Variants in COBL observed in about 807,000 individuals in gnomAD.
The protein encoded by COBL is cordon-bleu WH2 repeat protein.
Under a neutral mutation model 98.8 loss-of-function variants are expected in COBL, and 51 were observed. The observed-to-expected ratio is 0.52, with a 90% confidence interval of 0.41 to 0.65. The LOEUF is 0.65. Among genes scored for constraint, COBL ranks in the 30% least tolerant of loss-of-function variants. COBL has a pLI of 0.00. For synonymous variants in COBL, 634 were observed against 651.7 expected, an observed-to-expected ratio of 0.97 and a Z score of 0.41; for missense variants, 1,617 against 1,617.5, an observed-to-expected ratio of 1.00 and a Z score of 0.01.
chr7:51,168,379 T>A (rs1032637434), intron 5 of COBL, among the ~76,000 whole-genome samples: 1 of 151,386 alleles, frequency 6.6e-6, no homozygotes, highest in Non-Finnish European at 1.5e-5. Context: ...GAGGCTGCAG[T>A]GAGCCGAGAT....
At chr7:51,187,077 T>C (rs189300582) in intron 4 of COBL, among the ~76,000 whole-genome samples, 68 of 152,240 alleles carry the variant, frequency 4.5e-4, no homozygotes, top group African/African-American at 1.6e-3. Flanking sequence ...AAAGTTTTAC[T>C]TTCTGAAGCA....
intron 1 of COBL, among the ~76,000 whole-genome samples, chr7:51,287,460 G>A (rs192634429): frequency 5.3e-5 from 8 of 152,158 alleles, no homozygotes; most frequent in African/African-American, 1.9e-4. Context: ...TAGCTAAAAT[G>A]AAACAATCTT....
chr7:51,114,178 G>C (rs1797077152), intron 6 of COBL, among the ~76,000 whole-genome samples: 1 of 152,090 alleles, frequency 6.6e-6, no homozygotes, highest in Non-Finnish European at 1.5e-5. Context: ...CTGGAAGCTG[G>C]GGCGGCCCCT....
At chr7:51,101,432 A>G (rs999053140) in intron 6 of COBL, among the ~76,000 whole-genome samples, 7 of 152,250 alleles carry the variant, frequency 4.6e-5, no homozygotes, top group African/African-American at 1.7e-4. Flanking sequence ...ATTTTTATAA[A>G]GGAAGAAACT....
At chr7:51,115,339 T>G (rs549621622) in intron 6 of COBL, among the ~76,000 whole-genome samples, 5 of 152,234 alleles carry the variant, frequency 3.3e-5, no homozygotes, top group Admixed American at 2.6e-4. Context: ...CTACTTTTTT[T>G]TAGCATCTTA....
intron 1 of COBL, among the ~76,000 whole-genome samples, chr7:51,266,224 T>C (rs907110442): frequency 1.3e-5 from 2 of 152,222 alleles, no homozygotes; most frequent in African/African-American, 4.8e-5. Flanking sequence ...GAAAACTAAT[T>C]GTATTATAGG....
At position 51,016,628 on chromosome 7, in the gene COBL, C is replaced by G. The variant is rs1396617428; in HGVS notation, c.*923G>C. On this transcript the variant is annotated 3_prime_UTR_variant, in exon 13 of 13. Coordinates refer to ENST00000265136, the MANE Select transcript of COBL (RefSeq NM_015198.5). ...AAGGCTGAACCAAAATTGTGATGCT[C>G]TCAGCGCAACTTTGATCTGAACTCT... is the stretch of plus-strand genomic sequence containing the variant. 3.7e-6 allele frequency: 1 copy of G among 268,232 alleles called. No individual in the cohort carries two copies. Among genetic ancestry groups the G allele is most frequent in the Admixed American group, 5.3e-5 (1 of 18,710 alleles). The allele number at this position is 268,232 out of a possible 1,614,324, so 16.6% of individuals were successfully genotyped here. A position where few individuals can be genotyped will look rare whatever the true frequency, so the allele number is the denominator to read the frequency against.
intron 7 of COBL, among the ~76,000 whole-genome samples, chr7:51,079,087 A>G (rs1025701419): frequency 1.2e-4 from 19 of 152,202 alleles, no homozygotes; most frequent in Admixed American, 4.6e-4. Flanking sequence ...AGAGGCTACA[A>G]GAGGCTAGGG....
At chr7:51,198,622 T>A (rs1335136549) in intron 2 of COBL, among the ~76,000 whole-genome samples, 2 of 152,194 alleles carry the variant, frequency 1.3e-5, no homozygotes, top group South Asian at 4.1e-4. Context: ...TGGGCACAGG[T>A]TTTTTTCCTC....
chr7:51,246,315 G>T (rs1796265731), intron 1 of COBL, among the ~76,000 whole-genome samples: 1 of 152,168 alleles, frequency 6.6e-6, no homozygotes, highest in Non-Finnish European at 1.5e-5. Context: ...ATCAGCAGGG[G>T]CCGCCTCCTC....
chr7:51,024,656 AATGAATGAATG>A (rs1787326615), intron 12 of COBL, among the ~76,000 whole-genome samples: 1 of 618 alleles, frequency 1.6e-3, no homozygotes, highest in Non-Finnish European at 3.9e-3. Flanking sequence ...TGTACGAGTG[AATGAATGAATG>A]AATGAATGAA....
At chr7:51,023,103 G>A (rs994688314) in intron 12 of COBL, 3 of 152,204 alleles carry the variant, frequency 2.0e-5, no homozygotes, top group African/African-American at 7.2e-5. Flanking sequence ...TGGCTGTCAT[G>A]TGTGTGGGGC....
chr7:51,204,711 C>T (rs1006561758), intron 2 of COBL, among the ~76,000 whole-genome samples: 5 of 152,020 alleles, frequency 3.3e-5, no homozygotes, highest in African/African-American at 1.2e-4. Flanking sequence ...CCACCACGCC[C>T]AGCTAATTTT....
intron 7 of COBL, among the ~76,000 whole-genome samples, chr7:51,048,474 T>C (rs542213332): frequency 1.9e-4 from 29 of 152,150 alleles, no homozygotes; most frequent in Non-Finnish European, 3.5e-4. Context: ...AATCTGGATA[T>C]CATAGTATTT....
chr7:51,052,915 A>G (rs1454255374), intron 7 of COBL, among the ~76,000 whole-genome samples: 2 of 152,236 alleles, frequency 1.3e-5, no homozygotes, highest in African/African-American at 4.8e-5. Flanking sequence ...TAAATTTGAT[A>G]TAAAAATGAC....
chr7:51,189,571 T>C (rs542949691), intron 4 of COBL, among the ~76,000 whole-genome samples: 3 of 151,994 alleles, frequency 2.0e-5, no homozygotes, highest in Non-Finnish European at 4.4e-5. Context: ...GAGGTGGAGG[T>C]TGCAGTGAGC....
chr7:51,110,929 C>T (rs552360915), intron 6 of COBL, among the ~76,000 whole-genome samples: 2 of 152,308 alleles, frequency 1.3e-5, no homozygotes, highest in South Asian at 4.1e-4. Context: ...TCTTTATCCA[C>T]TCATTGATCG....
At chr7:51,123,916 A>C (rs1000022127) in intron 6 of COBL, among the ~76,000 whole-genome samples, 2 of 152,100 alleles carry the variant, frequency 1.3e-5, no homozygotes, top group Non-Finnish European at 2.9e-5. Context: ...ACTCTCTTGG[A>C]TTGAATCAGC....
intron 5 of COBL, among the ~76,000 whole-genome samples, chr7:51,162,088 C>T (rs185244606): frequency 1.7e-3 from 264 of 152,266 alleles, no homozygotes; most frequent in Non-Finnish European, 2.7e-3. Context: ...TATCATTAAC[C>T]GGCATCCACA....
Sources: allele counts gnomAD v4.1 joint callset (sites outside exome capture counted in the v4.1 genomes callset), GRCh38; gene constraint gnomAD v4.1.1; transcripts MANE v1.5; gene names NCBI Gene and HGNC (gene_info 2026-07-23, HGNC 2026-07-21).